The following HSF2BP variants were observed in gnomAD, a reference collection of about 807,000 sequenced individuals.
HSF2BP encodes heat shock transcription factor 2 binding protein, also known as heat shock factor 2-binding protein.
In HSF2BP, 35 loss-of-function variants were observed where a neutral mutation model predicts 35.0. That is an observed-to-expected ratio of 1.00 (90% CI 0.76 to 1.32). The LOEUF (loss-of-function observed/expected upper bound fraction) is 1.32. HSF2BP is among the 40% of genes most tolerant of loss of function. The probability of loss-of-function intolerance (pLI) is 0.00; values close to 1 mark genes in which losing one functional copy is unlikely to be tolerated. For synonymous variants in HSF2BP, 114 were observed against 117.4 expected (o/e 0.97, Z 0.18); for missense variants, 326 against 321.7 (o/e 1.01, Z -0.10).
chr21:43,631,914 C>CAT (rs2082462832), intron 5 of HSF2BP, among the ~76,000 whole-genome samples: 1 of 150,142 alleles, frequency 6.7e-6, no homozygotes, highest in African/African-American at 2.5e-5. Context: ...CACACCCACA[C>CAT]GCTCCCACAC....
At chr21:43,613,542 G>T (rs1334128781) in intron 7 of HSF2BP, among the ~76,000 whole-genome samples, 1 of 152,202 alleles carries the variant, frequency 6.6e-6, no homozygotes, top group African/African-American at 2.4e-5. Context: ...GATTTTAGTA[G>T]CTGGAAGACA....
At chr21:43,657,727 G>T (rs948010596) in intron 2 of HSF2BP, 1 of 591,834 alleles carries the variant, frequency 1.7e-6, no homozygotes, top group South Asian at 7.3e-5. Context: ...GAAGCAGGGG[G>T]CCAGGGCCTT....
chr21:43,612,168 C>A (rs2082213319), intron 7 of HSF2BP, among the ~76,000 whole-genome samples: 1 of 152,154 alleles, frequency 6.6e-6, no homozygotes, highest in African/African-American at 2.4e-5. Flanking sequence ...ATATAAACAC[C>A]AGCATTTCCC....
At chr21:43,650,640 A>C (rs888173705) in intron 3 of HSF2BP, among the ~76,000 whole-genome samples, 1 of 151,898 alleles carries the variant, frequency 6.6e-6, no homozygotes, top group African/African-American at 2.4e-5. Context: ...TATCTTACTA[A>C]GTACTTAAGT....
At chr21:43,646,284 T>C (rs575931946) in intron 3 of HSF2BP, among the ~76,000 whole-genome samples, 39 of 152,364 alleles carry the variant, frequency 2.6e-4, no homozygotes, top group African/African-American at 8.4e-4. Flanking sequence ...GAATTCTTGA[T>C]TTTATCCTAA....
intron 7 of HSF2BP, among the ~76,000 whole-genome samples, chr21:43,601,329 G>A (rs10483077): frequency 0.041 from 6,243 of 152,094 alleles, 445 homozygotes; most frequent in African/African-American, 0.14. Flanking sequence ...TCAATGAGAG[G>A]CACCGAAAAG....
At chr21:43,579,654 G>A (rs541057903) in intron 8 of HSF2BP, among the ~76,000 whole-genome samples, 58 of 152,114 alleles carry the variant, frequency 3.8e-4, no homozygotes, top group African/African-American at 1.3e-3. Flanking sequence ...TTTCTTCTCT[G>A]CTCATTCCTC....
At chr21:43,628,997 C>G (rs2082421946) in intron 6 of HSF2BP, among the ~76,000 whole-genome samples, 1 of 152,144 alleles carries the variant, frequency 6.6e-6, no homozygotes, top group African/African-American at 2.4e-5. Flanking sequence ...AGATTTCTTT[C>G]AAAACACTAC....
chr21:43,615,094 A>G (rs1343530522), intron 6 of HSF2BP, among the ~76,000 whole-genome samples: 1 of 152,186 alleles, frequency 6.6e-6, no homozygotes, highest in Non-Finnish European at 1.5e-5. Flanking sequence ...GAAGTATCCA[A>G]TGATCCAAGT....
chr21:43,637,670 C>T, intron 4 of HSF2BP, among the ~76,000 whole-genome samples: 1 of 151,338 alleles, frequency 6.6e-6, no homozygotes, highest in Non-Finnish European at 1.5e-5. Flanking sequence ...AAAAAATTAG[C>T]TGTATGGTGG....
intron 4 of HSF2BP, among the ~76,000 whole-genome samples, chr21:43,633,759 C>G (rs947304336): frequency 1.3e-5 from 2 of 152,164 alleles, no homozygotes; most frequent in South Asian, 2.1e-4. Flanking sequence ...GGCTTCTGAA[C>G]AAAAACAACC....
chr21:43,623,194 A>G (rs572601417), intron 6 of HSF2BP, among the ~76,000 whole-genome samples: 1 of 152,328 alleles, frequency 6.6e-6, no homozygotes, highest in Admixed American at 6.5e-5. Context: ...AAATTAAACA[A>G]CATACACCTG....
intron 7 of HSF2BP, among the ~76,000 whole-genome samples, chr21:43,595,923 C>T (rs190917219): frequency 2.0e-4 from 31 of 151,458 alleles, no homozygotes; most frequent in African/African-American, 7.3e-4. Context: ...TGGGGTTTCA[C>T]CATGTTGGTT....
At chr21:43,645,288 T>C (rs1018459056) in intron 3 of HSF2BP, among the ~76,000 whole-genome samples, 1 of 152,194 alleles carries the variant, frequency 6.6e-6, no homozygotes, top group Non-Finnish European at 1.5e-5. Context: ...GTCGGCTGGG[T>C]TCCATCCACA....
At chr21:43,603,589 G>C (rs543680572) in intron 7 of HSF2BP, among the ~76,000 whole-genome samples, 1 of 152,164 alleles carries the variant, frequency 6.6e-6, no homozygotes, top group Non-Finnish European at 1.5e-5. Context: ...GATGGGAATG[G>C]GGAAAATTAC....
chr21:43,601,974 C>A (rs558333894), intron 7 of HSF2BP, among the ~76,000 whole-genome samples: 3 of 152,148 alleles, frequency 2.0e-5, no homozygotes, highest in African/African-American at 7.2e-5. Context: ...TTCTTTTCAG[C>A]CAATACTTAT....
At chr21:43,579,461 C>T (rs1310875416) in intron 8 of HSF2BP, among the ~76,000 whole-genome samples, 1 of 152,098 alleles carries the variant, frequency 6.6e-6, no homozygotes, top group Non-Finnish European at 1.5e-5. Flanking sequence ...GAACTCCTAG[C>T]CCAAGAAAAT....
intron 4 of HSF2BP, among the ~76,000 whole-genome samples, chr21:43,640,123 G>A (rs1049137173): frequency 6.6e-6 from 1 of 152,108 alleles, no homozygotes; most frequent in Admixed American, 6.6e-5. Context: ...GTAACATAGC[G>A]AACCTGTCTC....
At chr21:43,593,636 G>A (rs1237503305) in intron 7 of HSF2BP, among the ~76,000 whole-genome samples, 1 of 152,002 alleles carries the variant, frequency 6.6e-6, no homozygotes, top group East Asian at 1.9e-4. Flanking sequence ...TATTTTGAAT[G>A]ACCAGCCAAT....
Sources: gnomAD v4.1 joint callset for allele counts (sites outside exome capture counted in the v4.1 genomes callset) on GRCh38, gnomAD v4.1.1 for gene constraint, MANE v1.5 for transcripts, NCBI Gene and HGNC (gene_info 2026-07-23, HGNC 2026-07-21) for gene names.